Variants in PLEKHA7 observed in about 807,000 individuals in gnomAD.
The protein encoded by PLEKHA7 is pleckstrin homology domain containing A7, also known as pleckstrin homology domain-containing family A member 7.
In PLEKHA7, 104 loss-of-function variants were observed where a neutral mutation model predicts 170.0. That is an observed-to-expected ratio of 0.61 (90% CI 0.52 to 0.72). The LOEUF (loss-of-function observed/expected upper bound fraction) is 0.72. Among genes scored for constraint, PLEKHA7 ranks in the 30% least tolerant of loss-of-function variants. The pLI, the probability that PLEKHA7 is intolerant of heterozygous loss-of-function variation, is 0.00. For missense variants in PLEKHA7, 1,615 were observed against 1,671.7 expected, an observed-to-expected ratio of 0.97 and a Z score of 0.59; for synonymous variants, 648 against 660.8, an observed-to-expected ratio of 0.98 and a Z score of 0.30.
At position 16,803,378 on chromosome 11, in the gene PLEKHA7, T is replaced by C. The variant is rs1848734048; in HGVS notation, c.2008-83A>G. 5 of 1,437,422 alleles carry C rather than the reference T, an allele frequency of 3.5e-6. No individual in the cohort carries two copies. In the South Asian group the frequency reaches 5.8e-5, roughly 17 times the overall value. The allele number at this position is 1,437,422 out of a possible 1,614,324, so 89.0% of individuals were successfully genotyped here. A position where few individuals can be genotyped will look rare whatever the true frequency, so the allele number is the denominator to read the frequency against. ...GAAAGAAAATTCATCCTATAATGGATGGTGTGGAAGTCCTTGGCAGTGGCA... is the reference window on the plus strand; with the variant it reads ...GAAAGAAAATTCATCCTATAATGGACGGTGTGGAAGTCCTTGGCAGTGGCA... On this transcript the variant is annotated intron_variant, in intron 13 of 26. Coordinates refer to ENST00000531066, the MANE Select transcript of PLEKHA7 (RefSeq NM_001329630.2).
intron 4 of PLEKHA7, among the ~76,000 whole-genome samples, chr11:16,862,006 C>G (rs1853994972): frequency 6.6e-6 from 1 of 152,164 alleles, no homozygotes. Context: ...TCCACACCCC[C>G]TCTTCTCAGA....
chr11:16,906,068 A>G (rs1857640024), intron 3 of PLEKHA7, among the ~76,000 whole-genome samples: 1 of 152,214 alleles, frequency 6.6e-6, no homozygotes, highest in South Asian at 2.1e-4. Context: ...GGACAGCCCT[A>G]GAAGTTCCAG....
intron 3 of PLEKHA7, among the ~76,000 whole-genome samples, chr11:16,953,798 C>A (rs1422848134): frequency 6.6e-6 from 1 of 152,160 alleles, no homozygotes; most frequent in Non-Finnish European, 1.5e-5. Flanking sequence ...TATGAAAAGT[C>A]TATTCTTCAC....
chr11:16,991,260 A>G (rs1864025341), intron 3 of PLEKHA7, among the ~76,000 whole-genome samples: 1 of 152,190 alleles, frequency 6.6e-6, no homozygotes, highest in Non-Finnish European at 1.5e-5. Flanking sequence ...CCATTTAATA[A>G]ATTAATTCAA....
At chr11:16,954,138 G>GT (rs1297074389) in intron 3 of PLEKHA7, among the ~76,000 whole-genome samples, 1 of 152,084 alleles carries the variant, frequency 6.6e-6, no homozygotes, top group African/African-American at 2.4e-5. Context: ...TACATATTTT[G>GT]TTAAACAATA....
In PLEKHA7 at chr11:16,955,551, C is replaced by A. The variant is rs576979333; in HGVS notation, c.221+58438G>T. ...AGGTGTTTGCGTTAATCAAATAAGT[C>A]CACTGCTTTCAGAATAATAGAGGAG... On this transcript the variant is annotated intron_variant, in intron 3 of 26. Transcript: ENST00000531066. Among the ~76,000 whole-genome samples the A allele has an allele frequency of 9.2e-5, 14 of 152,268 alleles. No homozygotes were observed. In the South Asian group the frequency reaches 2.9e-3, roughly 32 times the overall value.
chr11:16,981,955 A>G (rs999821651), intron 3 of PLEKHA7, among the ~76,000 whole-genome samples: 1 of 152,126 alleles, frequency 6.6e-6, no homozygotes, highest in Non-Finnish European at 1.5e-5. Flanking sequence ...TTATTTAAAA[A>G]CAAAACAAAA....
At chr11:16,835,510 G>A (rs896078343) in intron 9 of PLEKHA7, among the ~76,000 whole-genome samples, 8 of 152,170 alleles carry the variant, frequency 5.3e-5, no homozygotes, top group African/African-American at 1.9e-4. Context: ...GATGAAACTG[G>A]AAGAGGGTAA....
intron 9 of PLEKHA7, among the ~76,000 whole-genome samples, chr11:16,835,397 G>A (rs986032513): frequency 9.2e-5 from 14 of 152,202 alleles, no homozygotes; most frequent in East Asian, 1.9e-4. Flanking sequence ...TAGGGACCCT[G>A]AACTGTTGAA....
chr11:16,848,628 T>C (rs1205242198), intron 8 of PLEKHA7, among the ~76,000 whole-genome samples: 1 of 152,214 alleles, frequency 6.6e-6, no homozygotes, highest in African/African-American at 2.4e-5. Context: ...TGAGCATAAA[T>C]GATATTTCAA....
intron 3 of PLEKHA7, among the ~76,000 whole-genome samples, chr11:17,012,896 T>G (rs561408585): frequency 1.3e-5 from 2 of 152,280 alleles, no homozygotes; most frequent in South Asian, 4.1e-4. Context: ...CATCAGTATT[T>G]TCAACTATTA....
At chr11:16,894,080 G>A (rs1047925763) in intron 3 of PLEKHA7, among the ~76,000 whole-genome samples, 1 of 152,132 alleles carries the variant, frequency 6.6e-6, no homozygotes, top group Admixed American at 6.5e-5. Context: ...AGAGTCTAGG[G>A]ACTCCAGAGG....
intron 10 of PLEKHA7, among the ~76,000 whole-genome samples, chr11:16,818,806 C>CT (rs906502501): frequency 4.7e-5 from 7 of 150,370 alleles, no homozygotes; most frequent in Non-Finnish European, 7.4e-5. Flanking sequence ...TTTTTTCTCT[C>CT]TTTTTTTTCT....
intron 3 of PLEKHA7, among the ~76,000 whole-genome samples, chr11:16,885,159 A>T (rs1430904669): frequency 6.6e-6 from 1 of 151,834 alleles, no homozygotes; most frequent in East Asian, 1.9e-4. Flanking sequence ...TGGCCAACAT[A>T]GTGAAACCCT....
intron 3 of PLEKHA7, among the ~76,000 whole-genome samples, chr11:16,876,838 A>G (rs949333814): frequency 1.3e-5 from 2 of 152,200 alleles, no homozygotes; most frequent in African/African-American, 4.8e-5. Flanking sequence ...CCTGTTGGTT[A>G]AACATAAAGG....
intron 9 of PLEKHA7, 48 bp downstream of exon 9, chr11:16,841,499 A>T: frequency 6.3e-7 from 1 of 1,582,098 alleles, no homozygotes; most frequent in Non-Finnish European, 8.6e-7. Context: ...CTGGGTCCCA[A>T]TCCTAGTGTA....
At chr11:16,910,506 A>C (rs533935299) in intron 3 of PLEKHA7, among the ~76,000 whole-genome samples, 218 of 152,346 alleles carry the variant, frequency 1.4e-3, no homozygotes, top group Non-Finnish European at 2.4e-3. Context: ...CAAGTCCCCA[A>C]ACATAAAAAT....
At chr11:16,814,875 G>A (rs1409435203) in intron 12 of PLEKHA7, among the ~76,000 whole-genome samples, 2 of 152,224 alleles carry the variant, frequency 1.3e-5, no homozygotes, top group Admixed American at 6.5e-5. Context: ...GGGGCAACAA[G>A]GCTGTCAGCC....
intron 3 of PLEKHA7, among the ~76,000 whole-genome samples, chr11:16,927,351 A>G (rs1859633527): frequency 6.6e-6 from 1 of 152,222 alleles, no homozygotes; most frequent in Admixed American, 6.5e-5. Context: ...TTTTAAAACT[A>G]TATATGCCCT....
Sources: allele counts gnomAD v4.1 joint callset (sites outside exome capture counted in the v4.1 genomes callset), GRCh38; gene constraint gnomAD v4.1.1; transcripts MANE v1.5; gene names NCBI Gene and HGNC (gene_info 2026-07-23, HGNC 2026-07-21).